ZBTB10: variants seen among roughly 807,000 people sequenced by gnomAD.
ZBTB10 encodes zinc finger and BTB domain containing 10, also known as zinc finger and BTB domain-containing protein 10.
ZBTB10 carries 32 observed loss-of-function variants against 76.4 expected under a neutral mutation model. That is an observed-to-expected ratio of 0.42 (90% CI 0.32 to 0.56). The LOEUF is 0.56. Among genes scored for constraint, ZBTB10 ranks in the 20% least tolerant of loss-of-function variants. The pLI is 0.14. For synonymous variants in ZBTB10, 523 were observed against 432.9 expected (o/e 1.21, Z -2.58); for missense variants, 1,057 against 1,098.5 (o/e 0.96, Z 0.53).
chr8:80,499,461 A>C (rs757702631), intron 1 of ZBTB10, 33 bp from the exon 2 acceptor site: 6 of 1,512,604 alleles, frequency 4.0e-6, no homozygotes, highest in Non-Finnish European at 5.3e-6. Flanking sequence ...AAGTCAATAA[A>C]GTTTAATATT....
At chr8:80,486,105 C>CCCCCA, upstream of ZBTB10, 2 of 465,358 alleles carry the variant, frequency 4.3e-6, no homozygotes, top group Admixed American at 4.7e-5. Flanking sequence ...TCCCCTGGCG[C>CCCCCA]CCCCACCCCA....
intron 2 of ZBTB10, among the ~76,000 whole-genome samples, chr8:80,502,922 C>T (rs1018459272): frequency 2.2e-4 from 34 of 152,110 alleles, no homozygotes; most frequent in African/African-American, 7.5e-4. Context: ...GTTGGTATCA[C>T]TTGGGAGCAT....
At chr8:80,504,631 A>G (rs2131497932) in intron 2 of ZBTB10, among the ~76,000 whole-genome samples, 1 of 152,344 alleles carries the variant, frequency 6.6e-6, no homozygotes, top group South Asian at 2.1e-4. Context: ...GAAAAGTTAG[A>G]AATTTCTGTC....
At chr8:80,510,665 T>G (rs1248747946) in intron 2 of ZBTB10, among the ~76,000 whole-genome samples, 1 of 151,878 alleles carries the variant, frequency 6.6e-6, no homozygotes, top group South Asian at 2.1e-4. Context: ...TGTGTGTGTG[T>G]GTGTGTGTGT....
chr8:80,495,061 GA>G (rs1157826842), intron 1 of ZBTB10, among the ~76,000 whole-genome samples: 1 of 151,716 alleles, frequency 6.6e-6, no homozygotes, highest in Admixed American at 6.6e-5. Context: ...CACTGCTTCT[GA>G]AAACTCTGTA....
intron 1 of ZBTB10, among the ~76,000 whole-genome samples, chr8:80,493,194 C>CAA (rs1563457075): frequency 1.1e-5 from 1 of 88,500 alleles, no homozygotes; most frequent in Non-Finnish European, 2.2e-5. Flanking sequence ...TGCCTCAAAA[C>CAA]GCGCGCGCGC....
rs555457523 is a variant in ZBTB10 at position 80,486,690 on chromosome 8, G to T, written c.-121G>T. 2.5e-4 allele frequency: 253 copies of T among 993,836 alleles called. No individual in the cohort carries two copies. The highest frequency in any genetic ancestry group is 2.9e-4 in the Non-Finnish European group (243 of 835,926). The allele number at this position is 993,836 out of a possible 1,614,324, so 61.6% of individuals were successfully genotyped here. On this transcript the variant is annotated 5_prime_UTR_variant, in exon 1 of 6. Coordinates refer to ENST00000455036, the MANE Select transcript of ZBTB10 (RefSeq NM_001105539.3). Reference sequence around the variant, plus strand: ...GGGCGAGAGGGCGAGGCCGAGCCCCGCGAGACCGGAACGCCGGGGGCGGGG... The same window carrying T: ...GGGCGAGAGGGCGAGGCCGAGCCCCTCGAGACCGGAACGCCGGGGGCGGGG...
In ZBTB10 at chr8:80,487,376, A is replaced by G; in HGVS notation, c.566A>G (p.Glu189Gly). 1 of 1,528,938 alleles carries G rather than the reference A, an allele frequency of 6.5e-7. No homozygotes were observed. Among genetic ancestry groups the G allele is most frequent in the Non-Finnish European group, 8.8e-7 (1 of 1,135,026 alleles). 94.7% of individuals were successfully genotyped at this position (1,528,938 alleles called of 1,614,324 possible). A position where few individuals can be genotyped will look rare whatever the true frequency, so the allele number is the denominator to read the frequency against. ...AGCGACAGCACCGAGGACGAGGAGGAGGGGGCGAGCCTGGGCGACGGCAGC... is the reference window on the plus strand; with the variant it reads ...AGCGACAGCACCGAGGACGAGGAGGGGGGGGCGAGCCTGGGCGACGGCAGC... ...SLSDSTEDEE[E>G]GASLGDGSGA... The change falls in exon 1 of 6, where the codon GAG becomes GGG. Residue 189 changes from glutamate (E) to glycine (G), a missense_variant. Glu to Gly is a moderately conservative substitution (Grantham distance 98). Transcript: ENST00000455036.
intron 4 of ZBTB10, 29 bp from the exon 5 acceptor site, chr8:80,518,753 A>T: frequency 6.3e-7 from 1 of 1,581,212 alleles, no homozygotes; most frequent in Non-Finnish European, 8.6e-7. Context: ...ATGTGTAATA[A>T]GCACTTTCTC....
Position 80,522,365 on chromosome 8 carries a change from A to G in ZBTB10, c.*2837A>G, listed in dbSNP as rs1446604933. The G allele has an allele frequency of 6.6e-6, 1 of 151,960 alleles. No homozygotes were observed. Among genetic ancestry groups the G allele is most frequent in the Non-Finnish European group, 1.5e-5 (1 of 67,858 alleles). The allele number at this position is 151,960 out of a possible 1,614,324, so 9.4% of individuals were successfully genotyped here. A position where few individuals can be genotyped will look rare whatever the true frequency, so the allele number is the denominator to read the frequency against. ...TATATTTTAAATGAAAAAGTATTTT[A>G]GAGCTTTTAATGAAGGGGAAGAGTA... is the stretch of plus-strand genomic sequence containing the variant. On this transcript the variant is annotated 3_prime_UTR_variant, in exon 6 of 6. Coordinates refer to ENST00000455036, the MANE Select transcript of ZBTB10 (RefSeq NM_001105539.3).
intron 2 of ZBTB10, among the ~76,000 whole-genome samples, chr8:80,513,263 C>T (rs762674935): frequency 3.9e-5 from 6 of 152,116 alleles, no homozygotes; most frequent in Non-Finnish European, 7.4e-5. Flanking sequence ...CCACCTCAGC[C>T]TCCCAAGTAG....
chr8:80,498,574 T>C (rs1815844822), intron 1 of ZBTB10, among the ~76,000 whole-genome samples: 1 of 152,202 alleles, frequency 6.6e-6, no homozygotes, highest in African/African-American at 2.4e-5. Context: ...ACCTAGTCAC[T>C]GTATGAGGAA....
chr8:80,494,801 T>C (rs985314996), intron 1 of ZBTB10, among the ~76,000 whole-genome samples: 2 of 151,756 alleles, frequency 1.3e-5, no homozygotes, highest in African/African-American at 4.8e-5. Flanking sequence ...GCACACATCT[T>C]ATAGTCCCAG....
chr8:80,495,267 A>G (rs758512338), intron 1 of ZBTB10, among the ~76,000 whole-genome samples: 1 of 151,930 alleles, frequency 6.6e-6, no homozygotes, highest in African/African-American at 2.4e-5. Flanking sequence ...ATGGATGGAC[A>G]TTTACCTCTG....
At chr8:80,485,848 C>T (rs879849308), upstream of ZBTB10, 4 of 1,535,780 alleles carry the variant, frequency 2.6e-6, no homozygotes, top group Non-Finnish European at 2.6e-6. Flanking sequence ...GAACTCGTGG[C>T]GAGAGAAGGA....
At chr8:80,487,888 C>T (rs1815521463) in intron 1 of ZBTB10, 106 bp downstream of exon 1, 5 of 1,288,954 alleles carry the variant, frequency 3.9e-6, no homozygotes, top group Non-Finnish European at 5.2e-6. Context: ...AAACCATTTT[C>T]CTGGGTGAAG....
intron 1 of ZBTB10, among the ~76,000 whole-genome samples, chr8:80,497,683 C>CTTTTTTTTTTTTTTTTTTTTTTTT (rs397891910): frequency 1.1e-5 from 1 of 87,632 alleles, no homozygotes; most frequent in Non-Finnish European, 2.1e-5. Context: ...GTCCTGGAAT[C>CTTTTTTTTTTTTTTTTTTTTTTTT]TTTTTTTTTT....
chr8:80,485,796 G>A (rs1815429176), upstream of ZBTB10: 9 of 1,535,086 alleles, frequency 5.9e-6, no homozygotes, highest in South Asian at 4.8e-5. Flanking sequence ...GACAAGGCTG[G>A]AGCGCAGCTC....
chr8:80,504,088 A>T (rs1415331231), intron 2 of ZBTB10, among the ~76,000 whole-genome samples: 1 of 152,212 alleles, frequency 6.6e-6, no homozygotes, highest in East Asian at 1.9e-4. Flanking sequence ...ATGCTGCATG[A>T]AAACCTTGAA....
Sources: gnomAD v4.1 joint callset for allele counts (sites outside exome capture counted in the v4.1 genomes callset) on GRCh38, gnomAD v4.1.1 for gene constraint, MANE v1.5 for transcripts, NCBI Gene and HGNC (gene_info 2026-07-23, HGNC 2026-07-21) for gene names.